LRFN5: variants seen among roughly 807,000 people sequenced by gnomAD.
LRFN5 encodes the protein leucine rich repeat and fibronectin type III domain containing 5, also known as leucine-rich repeat and fibronectin type-III domain-containing protein 5.
LRFN5 carries 24 observed loss-of-function variants against 45.6 expected under a neutral mutation model. That is an observed-to-expected ratio of 0.53 (90% CI 0.38 to 0.74). LRFN5 has a LOEUF of 0.74. Among genes scored for constraint, LRFN5 ranks in the 30% least tolerant of loss-of-function variants. The pLI is 0.00. For missense variants in LRFN5, 776 were observed against 861.5 expected (o/e 0.90, Z 1.24); for synonymous variants, 340 against 313.8 (o/e 1.08, Z -0.88).
intron 2 of LRFN5, among the ~76,000 whole-genome samples, chr14:41,773,054 C>T (rs12432351): frequency 0.27 from 40,710 of 151,934 alleles, 6,624 homozygotes; most frequent in East Asian, 0.73. Flanking sequence ...ATTGAGATGT[C>T]GTGACCTCAG....
chr14:41,893,789 T>A (rs1454180680), intron 4 of LRFN5: 1 of 985,216 alleles, frequency 1.0e-6, no homozygotes, highest in Non-Finnish European at 1.2e-6. Flanking sequence ...ATTTTAGGCG[T>A]TTGCTAAATC....
At chr14:41,806,596 C>T (rs1566455075) in intron 2 of LRFN5, among the ~76,000 whole-genome samples, 1 of 152,074 alleles carries the variant, frequency 6.6e-6, no homozygotes, top group Non-Finnish European at 1.5e-5. Context: ...AAAGCCACAT[C>T]CTTTATACTG....
chr14:41,837,437 C>G (rs1203537997), intron 2 of LRFN5, among the ~76,000 whole-genome samples: 1 of 152,048 alleles, frequency 6.6e-6, no homozygotes, highest in African/African-American at 2.4e-5. Flanking sequence ...CTTACTCTGT[C>G]CTGAGATGGT....
intron 2 of LRFN5, among the ~76,000 whole-genome samples, chr14:41,864,177 G>T (rs1320685473): frequency 6.6e-6 from 1 of 152,056 alleles, no homozygotes; most frequent in African/African-American, 2.4e-5. Context: ...TAATCCTTTG[G>T]GTATAACCCA....
At chr14:41,757,230 T>C (rs1885438003) in intron 1 of LRFN5, among the ~76,000 whole-genome samples, 2 of 152,060 alleles carry the variant, frequency 1.3e-5, no homozygotes, top group Non-Finnish European at 2.9e-5. Flanking sequence ...AGGCAGTCTG[T>C]TTGTTCTCAG....
chr14:41,684,341 T>G (rs1882029424), intron 1 of LRFN5, among the ~76,000 whole-genome samples: 1 of 152,172 alleles, frequency 6.6e-6, no homozygotes, highest in Non-Finnish European at 1.5e-5. Context: ...GAGGTTTAAC[T>G]GACACACAGT....
intron 1 of LRFN5, among the ~76,000 whole-genome samples, chr14:41,727,704 G>C (rs951892687): frequency 1.6e-4 from 24 of 151,974 alleles, no homozygotes; most frequent in African/African-American, 5.3e-4. Context: ...AAAATAATAA[G>C]AGTAATAATA....
In LRFN5 at chr14:41,894,501, G is replaced by T. The variant is rs1424607891; in HGVS notation, c.2098+2539G>T. ...AAAATGATAGAAAGGTGAGTATCTG[G>T]CCTGAGATTTTGCCCTTCAAAAAGT... is the stretch of plus-strand genomic sequence containing the variant. On this transcript the variant is annotated intron_variant, in intron 4 of 5. Transcript: ENST00000298119. The T allele has an allele frequency of 5.2e-6, 5 of 967,130 alleles. No homozygotes were observed. The African/African-American group carries it at 8.8e-5, about 17-fold the overall frequency. The allele number at this position is 967,130 out of a possible 1,614,324, so 59.9% of individuals were successfully genotyped here.
At chr14:41,757,045 A>G (rs1244234306) in intron 1 of LRFN5, among the ~76,000 whole-genome samples, 1 of 152,170 alleles carries the variant, frequency 6.6e-6, no homozygotes, top group African/African-American at 2.4e-5. Flanking sequence ...TTGCCTGGGT[A>G]TCAGCAGCAG....
intron 2 of LRFN5, among the ~76,000 whole-genome samples, chr14:41,879,125 A>G (rs1042434582): frequency 1.3e-5 from 2 of 152,066 alleles, no homozygotes. Flanking sequence ...AAATTACCGT[A>G]TCTGTATATA....
Position 41,626,962 on chromosome 14 carries a change from A to G in LRFN5, c.-197+18400A>G, listed in dbSNP as rs1426951049. On this transcript the variant is annotated intron_variant, in intron 1 of 5. Coordinates refer to ENST00000298119, the MANE Select transcript of LRFN5 (RefSeq NM_152447.5). ...TTGAAAACATTTTATGTCATATTTA[A>G]CAGAAATATATTTGCATTGATGCAT... 2.0e-5 allele frequency among the ~76,000 whole-genome samples: 3 copies of G among 152,132 alleles called. No homozygotes were observed. In the East Asian group the frequency reaches 5.8e-4, roughly 29 times the overall value.
Position 41,894,921 on chromosome 14 carries a change from C to G in LRFN5, c.2098+2959C>G, listed in dbSNP as rs1415075829. The G allele has an allele frequency of 5.1e-6, 5 of 983,364 alleles. No individual in the cohort carries two copies. In the South Asian group the frequency reaches 1.9e-4, roughly 37 times the overall value. 60.9% of individuals were successfully genotyped at this position (983,364 alleles called of 1,614,324 possible). A position where few individuals can be genotyped will look rare whatever the true frequency, so the allele number is the denominator to read the frequency against. The stretch of plus-strand genomic sequence containing the variant: ...ACAGTCATATATATGTGATCTGAAG[C>G]ATCTGGTTTGCTGTTTGTTGTTTCT... On this transcript the variant is annotated intron_variant, in intron 4 of 5. Transcript: ENST00000298119.
intron 2 of LRFN5, among the ~76,000 whole-genome samples, chr14:41,854,375 G>A (rs1594467843): frequency 6.6e-6 from 1 of 151,980 alleles, no homozygotes; most frequent in Non-Finnish European, 1.5e-5. Context: ...GGGGTGGGGA[G>A]GGGGAGGGAT....
intron 3 of LRFN5, 67 bp from the exon 4 acceptor site, chr14:41,891,183 A>G: frequency 8.0e-7 from 1 of 1,248,546 alleles, no homozygotes; most frequent in South Asian, 1.2e-5. Flanking sequence ...AACTAAAGTC[A>G]TAATGACTTT....
intron 2 of LRFN5, among the ~76,000 whole-genome samples, chr14:41,836,094 C>A (rs900087378): frequency 2.6e-5 from 4 of 151,908 alleles, no homozygotes; most frequent in African/African-American, 9.7e-5. Flanking sequence ...ATATAAAAAT[C>A]CTTTACAAAT....
At chr14:41,610,683 A>AAAAAAAAAAAAAAAAAAAT (rs1887720009) in intron 1 of LRFN5, among the ~76,000 whole-genome samples, 3 of 144,660 alleles carry the variant, frequency 2.1e-5, no homozygotes, top group Non-Finnish European at 3.0e-5. Flanking sequence ...AAAAAAAAAA[A>AAAAAAAAAAAAAAAAAAAT]GTGTATTGCC....
chr14:41,681,077 A>T (rs556949965), intron 1 of LRFN5, among the ~76,000 whole-genome samples: 1 of 152,206 alleles, frequency 6.6e-6, no homozygotes, highest in East Asian at 1.9e-4. Context: ...CAATCAGATG[A>T]GAGGAAAGAA....
intron 2 of LRFN5, among the ~76,000 whole-genome samples, chr14:41,867,765 A>T (rs1173137716): frequency 6.6e-6 from 1 of 151,760 alleles, no homozygotes; most frequent in Non-Finnish European, 1.5e-5. Context: ...GTCACTTCTC[A>T]CCTTTTTTCA....
intron 1 of LRFN5, among the ~76,000 whole-genome samples, chr14:41,682,096 G>A (rs1185579935): frequency 1.3e-5 from 2 of 151,536 alleles, no homozygotes; most frequent in Non-Finnish European, 3.0e-5. Context: ...GGGATTACAG[G>A]TATGAGCCAC....
Sources: gnomAD v4.1 joint callset for allele counts (sites outside exome capture counted in the v4.1 genomes callset) on GRCh38, gnomAD v4.1.1 for gene constraint, MANE v1.5 for transcripts, NCBI Gene and HGNC (gene_info 2026-07-23, HGNC 2026-07-21) for gene names.